Variants in PARD3 observed in about 807,000 individuals in gnomAD.
PARD3 encodes par-3 family cell polarity regulator, also known as partitioning defective 3 homolog.
A neutral mutation model predicts 155.4 loss-of-function variants in PARD3; 75 were observed. The ratio of observed to expected loss-of-function variants is 0.48; its 90% CI spans 0.40 to 0.58. The LOEUF (loss-of-function observed/expected upper bound fraction) is 0.58, where lower values mean the gene tolerates loss of function less well. Among genes scored for constraint, PARD3 ranks in the 20% least tolerant of loss-of-function variants. The pLI is 0.00. For synonymous variants in PARD3, 576 were observed against 610.5 expected (o/e 0.94, Z 0.83); for missense variants, 1,642 against 1,721.7 (o/e 0.95, Z 0.82).
intron 1 of PARD3, among the ~76,000 whole-genome samples, chr10:34,812,663 T>G (rs986222832): frequency 6.6e-6 from 1 of 152,188 alleles, no homozygotes; most frequent in Non-Finnish European, 1.5e-5. Flanking sequence ...GAACTTGGTA[T>G]ACTGCAAAGC....
At chr10:34,780,499 T>A (rs1840113752) in intron 1 of PARD3, among the ~76,000 whole-genome samples, 1 of 152,194 alleles carries the variant, frequency 6.6e-6, no homozygotes, top group African/African-American at 2.4e-5. Context: ...ATCAGAAAAA[T>A]GTCTTATGAG....
At chr10:34,320,093 C>T (rs1958284352) in intron 19 of PARD3, among the ~76,000 whole-genome samples, 1 of 152,150 alleles carries the variant, frequency 6.6e-6, no homozygotes, top group Non-Finnish European at 1.5e-5. Context: ...GACTGTGGGG[C>T]AAACAGCAGC....
intron 1 of PARD3, among the ~76,000 whole-genome samples, chr10:34,793,581 G>GT (rs1841919802): frequency 1.3e-5 from 2 of 152,188 alleles, no homozygotes; most frequent in African/African-American, 4.8e-5. Context: ...GAGGTCAGGA[G>GT]TTTGAGACCA....
intron 20 of PARD3, among the ~76,000 whole-genome samples, chr10:34,314,375 G>A (rs1345643926): frequency 2.0e-5 from 3 of 152,154 alleles, no homozygotes; most frequent in South Asian, 2.1e-4. Flanking sequence ...AGGATCAAGA[G>A]CCAACATTCA....
intron 22 of PARD3, among the ~76,000 whole-genome samples, chr10:34,182,835 C>A (rs769310481): frequency 2.0e-5 from 3 of 151,578 alleles, no homozygotes; most frequent in African/African-American, 7.3e-5. Context: ...TAAATGGGTT[C>A]TCTTACGCCA....
At chr10:34,696,474 A>ATTAGACAT in intron 1 of PARD3, 55 bp from the exon 2 acceptor site, 1 of 1,077,690 alleles carries the variant, frequency 9.3e-7, no homozygotes, top group East Asian at 2.4e-5. Context: ...CCAAAAGGGA[A>ATTAGACAT]TTAGACATTT....
At chr10:34,667,753 G>C (rs1399588716) in intron 2 of PARD3, among the ~76,000 whole-genome samples, 1 of 152,190 alleles carries the variant, frequency 6.6e-6, no homozygotes, top group Admixed American at 6.5e-5. Context: ...GGCAAATTAA[G>C]CAGAATATAA....
At chr10:34,614,887 A>C (rs895383890) in intron 2 of PARD3, among the ~76,000 whole-genome samples, 1 of 152,132 alleles carries the variant, frequency 6.6e-6, no homozygotes, top group African/African-American at 2.4e-5. Flanking sequence ...ACTTTAAAAA[A>C]CGCAAAGCAG....
At chr10:34,383,824 G>A (rs1217594713) in intron 8 of PARD3, among the ~76,000 whole-genome samples, 1 of 152,178 alleles carries the variant, frequency 6.6e-6, no homozygotes. Context: ...GTGGACGGGT[G>A]AGTTAAAGTA....
intron 22 of PARD3, among the ~76,000 whole-genome samples, chr10:34,166,745 C>G (rs567821964): frequency 2.0e-5 from 3 of 152,264 alleles, no homozygotes; most frequent in South Asian, 4.1e-4. Context: ...CAAGCACCCC[C>G]ACAACACACA....
chr10:34,173,589 T>C (rs1388160357), intron 22 of PARD3, among the ~76,000 whole-genome samples: 1 of 152,172 alleles, frequency 6.6e-6, no homozygotes, highest in East Asian at 1.9e-4. Context: ...AACTGAAGTA[T>C]AGAAGAAACT....
intron 22 of PARD3, among the ~76,000 whole-genome samples, chr10:34,238,239 G>T (rs1350770450): frequency 6.6e-6 from 1 of 152,144 alleles, no homozygotes; most frequent in African/African-American, 2.4e-5. Flanking sequence ...AATCAAAGCT[G>T]ATGATAACTG....
At chr10:34,513,262 C>T (rs929944571) in intron 3 of PARD3, among the ~76,000 whole-genome samples, 1 of 152,138 alleles carries the variant, frequency 6.6e-6, no homozygotes, top group African/African-American at 2.4e-5. Context: ...ATCCTATTCT[C>T]TCCCTTCTCC....
At chr10:34,261,825 G>GAAAGAAAGAAAGA (rs1238097146) in intron 22 of PARD3, among the ~76,000 whole-genome samples, 1 of 138,888 alleles carries the variant, frequency 7.2e-6, no homozygotes, top group Non-Finnish European at 1.6e-5. Context: ...AAGAAAGAAA[G>GAAAGAAAGAAAGA]AAACAAACAA....
intron 1 of PARD3, among the ~76,000 whole-genome samples, chr10:34,757,361 A>T (rs1053700269): frequency 6.6e-6 from 1 of 152,220 alleles, no homozygotes; most frequent in African/African-American, 2.4e-5. Context: ...CCTGTCCTTC[A>T]TCTACCTGTC....
intron 2 of PARD3, among the ~76,000 whole-genome samples, chr10:34,611,985 C>T (rs1481978009): frequency 6.7e-6 from 1 of 148,178 alleles, no homozygotes; most frequent in East Asian, 2.0e-4. Context: ...CGCCACCACG[C>T]CCAGCTGATT....
At position 34,531,887 on chromosome 10, in the gene PARD3, G is replaced by A. The variant is rs143747697; in HGVS notation, c.223-14728C>T. ...GAACCAAGAGCAATTACTTTTTATT[G>A]TGATATGCAATTTCCTGGGAAGACA... On this transcript the variant is annotated intron_variant, in intron 2 of 24. Transcript: ENST00000374788. 5.8e-3 allele frequency among the ~76,000 whole-genome samples: 880 copies of A among 152,188 alleles called. 9 individuals are homozygous for A. Among genetic ancestry groups the A allele is most frequent in the African/African-American group, 0.02 (845 of 41,508 alleles).
chr10:34,635,548 C>A (rs575487356), intron 2 of PARD3, among the ~76,000 whole-genome samples: 2 of 152,352 alleles, frequency 1.3e-5, no homozygotes, highest in Admixed American at 1.3e-4. Flanking sequence ...GCACTCAGAA[C>A]AGCACCCAGT....
At chr10:34,446,036 A>T (rs2076721973) in intron 5 of PARD3, among the ~76,000 whole-genome samples, 1 of 152,194 alleles carries the variant, frequency 6.6e-6, no homozygotes, top group Non-Finnish European at 1.5e-5. Context: ...GGGCAATTCC[A>T]GCCAACAAAC....
Sources: gnomAD v4.1 joint callset for allele counts (sites outside exome capture counted in the v4.1 genomes callset) on GRCh38, gnomAD v4.1.1 for gene constraint, MANE v1.5 for transcripts, NCBI Gene and HGNC (gene_info 2026-07-23, HGNC 2026-07-21) for gene names.